AGTPBP1: variants seen among roughly 807,000 people sequenced by gnomAD.
AGTPBP1 encodes the protein cytosolic carboxypeptidase 1.
A neutral mutation model predicts 143.9 loss-of-function variants in AGTPBP1; 70 were observed. The ratio of observed to expected loss-of-function variants is 0.49; its 90% CI spans 0.40 to 0.59. AGTPBP1 has a LOEUF of 0.59. AGTPBP1 is among the 20% of genes least tolerant of loss of function. The pLI is 0.00. For missense variants in AGTPBP1, 1,229 were observed against 1,464.5 expected, an observed-to-expected ratio of 0.84 and a Z score of 2.62; for synonymous variants, 463 against 500.2, an observed-to-expected ratio of 0.93 and a Z score of 0.99.
intron 25 of AGTPBP1, among the ~76,000 whole-genome samples, chr9:85,572,721 C>T (rs562457026): frequency 1.8e-4 from 27 of 152,170 alleles, no homozygotes; most frequent in African/African-American, 6.0e-4. Flanking sequence ...TAAGAATACA[C>T]GAATTAAAAG....
At chr9:85,630,492 T>TTGAC (rs1292363365) in intron 14 of AGTPBP1, among the ~76,000 whole-genome samples, 4 of 141,674 alleles carry the variant, frequency 2.8e-5, no homozygotes, top group African/African-American at 1.0e-4. Context: ...GATTGATTGA[T>TTGAC]TGATTGAGAC....
chr9:85,717,940 G>A (rs1837825255), intron 1 of AGTPBP1, among the ~76,000 whole-genome samples: 1 of 151,110 alleles, frequency 6.6e-6, no homozygotes, highest in South Asian at 2.1e-4. Flanking sequence ...TTGGTTTTCT[G>A]TCCTTGTGAT....
At chr9:85,763,350 C>G in the AGTPBP1 span, among the ~76,000 whole-genome samples, 2 of 151,888 alleles carry the variant, frequency 1.3e-5, no homozygotes, top group Non-Finnish European at 2.9e-5. Flanking sequence ...GACAACTGGT[C>G]CAGTGTGGAG....
In AGTPBP1 at chr9:85,646,292, GCTAA is replaced by G. The variant is rs765579835; in HGVS notation, c.1185+25_1185+28del. The G allele has an allele frequency of 4.6e-6, 7 of 1,522,882 alleles. No individual in the cohort carries two copies. The African/African-American group carries it at 5.5e-5, about 12-fold the overall frequency. 94.3% of individuals were successfully genotyped at this position (1,522,882 alleles called of 1,614,324 possible). A position where few individuals can be genotyped will look rare whatever the true frequency, so the allele number is the denominator to read the frequency against. On this transcript the variant is annotated intron_variant, in intron 12 of 25. Coordinates refer to ENST00000357081, the MANE Select transcript of AGTPBP1 (RefSeq NM_001330701.2). The stretch of plus-strand genomic sequence containing the variant: ...ACAACTGTAGTATATCATTTATAAA[GCTAA>G]CTAATTACAGAAATTTATACTAACC...
intron 2 of AGTPBP1, among the ~76,000 whole-genome samples, chr9:85,712,076 C>T (rs1251215627): frequency 6.6e-6 from 1 of 152,014 alleles, no homozygotes. Flanking sequence ...CCAGCCTGGA[C>T]AACATAGTGA....
At chr9:85,768,528 T>C in the AGTPBP1 span, among the ~76,000 whole-genome samples, 1 of 152,200 alleles carries the variant, frequency 6.6e-6, no homozygotes, top group East Asian at 1.9e-4. Flanking sequence ...CAAGAACCTA[T>C]TGATGATAAG....
the AGTPBP1 span, chr9:85,770,217 T>C: frequency 6.9e-6 from 7 of 1,019,536 alleles, no homozygotes; most frequent in Non-Finnish European, 1.0e-5. Context: ...TTTAGTAGTA[T>C]CTGAGTATAT....
chr9:85,575,384 T>A lies in AGTPBP1; in HGVS notation c.3434A>T (p.Glu1145Val), dbSNP rs1454647114. ...LRLKRLTSPL[E>V]YNLPSSLLDF... ...AAGCAGGCTGGAAGGCAGATTATACTCCAATGGAGAGGTCAGTCTTTTCAA... is the reference window on the plus strand; with the variant it reads ...AAGCAGGCTGGAAGGCAGATTATACACCAATGGAGAGGTCAGTCTTTTCAA... The change falls in exon 25 of 26, where the codon GAG becomes GTG. Residue 1145 changes from glutamate (E) to valine (V), a missense_variant. By Grantham distance (121) the Glu-to-Val change is moderately radical. Transcript: ENST00000357081. 6.2e-7 allele frequency: 1 copy of A among 1,609,764 alleles called. No individual in the cohort carries two copies. Among genetic ancestry groups the A allele is most frequent in the Non-Finnish European group, 8.5e-7 (1 of 1,178,858 alleles).
intron 19 of AGTPBP1, among the ~76,000 whole-genome samples, chr9:85,591,512 A>G: frequency 6.6e-6 from 1 of 152,172 alleles, no homozygotes; most frequent in East Asian, 1.9e-4. Context: ...ATATATTAAA[A>G]GGCACAATCA....
chr9:85,556,695 C>A (rs1826365777), intron 25 of AGTPBP1, among the ~76,000 whole-genome samples: 1 of 152,130 alleles, frequency 6.6e-6, no homozygotes, highest in African/African-American at 2.4e-5. Flanking sequence ...ACAAAGCTGG[C>A]TTTAAAGCAA....
At chr9:85,566,454 C>A (rs12345346) in intron 25 of AGTPBP1, among the ~76,000 whole-genome samples, 2,736 of 143,736 alleles carry the variant, frequency 0.019, 93 homozygotes, top group African/African-American at 0.069. Context: ...TGCTTGAGCC[C>A]AGGAGGTTGA....
At chr9:85,790,675 C>A in the AGTPBP1 span, among the ~76,000 whole-genome samples, 1 of 152,126 alleles carries the variant, frequency 6.6e-6, no homozygotes, top group African/African-American at 2.4e-5. Context: ...ACAGAATTGG[C>A]ACTATTTGAA....
chr9:85,619,194 A>T lies in AGTPBP1; in HGVS notation c.2186+21T>A, dbSNP rs183704357. 10 of 1,610,480 alleles carry T rather than the reference A, an allele frequency of 6.2e-6. No individual in the cohort carries two copies. In the East Asian group the frequency reaches 2.0e-4, roughly 32 times the overall value. On this transcript the variant is annotated intron_variant, in intron 16 of 25. Transcript: ENST00000357081. ...GAAATATCTGTGCACATACAAAATG[A>T]GAAAATCTTAAGTGACTTACTTTCT...
intron 25 of AGTPBP1, among the ~76,000 whole-genome samples, chr9:85,550,186 T>A (rs1237328455): frequency 8.1e-6 from 1 of 123,772 alleles, no homozygotes; most frequent in Non-Finnish European, 1.8e-5. Flanking sequence ...TGTGAGTGTG[T>A]GTGTGTGTGA....
intron 22 of AGTPBP1, 37 bp from the exon 23 acceptor site, chr9:85,585,631 A>C (rs530574911): frequency 6.6e-7 from 1 of 1,506,732 alleles, no homozygotes; most frequent in African/African-American, 1.4e-5. Flanking sequence ...AAAGACTTCA[A>C]GTTCATATGT....
chr9:85,643,194 A>T (rs181877574), intron 12 of AGTPBP1, among the ~76,000 whole-genome samples: 6 of 152,278 alleles, frequency 3.9e-5, no homozygotes. Context: ...CTGGCTACTC[A>T]AAACAGAAAA....
the AGTPBP1 span, among the ~76,000 whole-genome samples, chr9:85,802,423 G>A: frequency 6.6e-6 from 1 of 152,068 alleles, no homozygotes; most frequent in African/African-American, 2.4e-5. Context: ...ATGAGCAACT[G>A]AATATGGCTA....
intron 21 of AGTPBP1, among the ~76,000 whole-genome samples, chr9:85,587,891 A>G (rs1828713549): frequency 6.6e-6 from 1 of 152,140 alleles, no homozygotes; most frequent in Admixed American, 6.5e-5. Flanking sequence ...AGATGGGGCT[A>G]ACATTCCAAG....
chr9:85,745,493 T>C (rs1040306709), upstream of AGTPBP1, among the ~76,000 whole-genome samples: 4 of 152,208 alleles, frequency 2.6e-5, no homozygotes, highest in Non-Finnish European at 1.5e-5. Flanking sequence ...CACTGCCTTG[T>C]GTCAAACTAA....
Sources: allele counts gnomAD v4.1 joint callset (sites outside exome capture counted in the v4.1 genomes callset), GRCh38; gene constraint gnomAD v4.1.1; transcripts MANE v1.5; gene names NCBI Gene and HGNC (gene_info 2026-07-23, HGNC 2026-07-21).